TIMM9: variants seen among roughly 807,000 people sequenced by gnomAD.
TIMM9 encodes the protein translocase of inner mitochondrial membrane 9.
Under a neutral mutation model 13.4 loss-of-function variants are expected in TIMM9, and 10 were observed. The ratio of observed to expected loss-of-function variants is 0.75; its 90% CI spans 0.46 to 1.26. The LOEUF is 1.26. Ranked by LOEUF, TIMM9 falls within the 50% of genes most tolerant of loss-of-function variation. The probability of loss-of-function intolerance (pLI) is 0.00; values close to 1 mark genes in which losing one functional copy is unlikely to be tolerated. For missense variants in TIMM9, 87 were observed against 100.8 expected, an observed-to-expected ratio of 0.86 and a Z score of 0.58; for synonymous variants, 32 against 32.1, an observed-to-expected ratio of 1.00 and a Z score of 0.01.
intron 3 of TIMM9, among the ~76,000 whole-genome samples, chr14:58,413,352 T>C (rs2036282303): frequency 6.6e-6 from 1 of 152,234 alleles, no homozygotes. Context: ...ACAAAGGTTC[T>C]ATTAATAGTT....
At position 58,408,892 on chromosome 14, in the gene TIMM9, C is replaced by T. The variant is rs559220522; in HGVS notation, c.*142G>A. On this transcript the variant is annotated 3_prime_UTR_variant, in exon 6 of 6. Transcript: ENST00000395159. ...GTAAATAGCAATTTTGTTTCTCCAGCGGTTTCCATTTGCCAAACAGTCATG... is the reference window on the plus strand; with the variant it reads ...GTAAATAGCAATTTTGTTTCTCCAGTGGTTTCCATTTGCCAAACAGTCATG... The T allele has an allele frequency of 2.9e-5, 35 of 1,222,154 alleles. No homozygotes were observed. Among genetic ancestry groups the T allele is most frequent in the Non-Finnish European group, 3.7e-5 (33 of 890,124 alleles). The allele number at this position is 1,222,154 out of a possible 1,614,324, so 75.7% of individuals were successfully genotyped here.
Position 58,427,156 on chromosome 14 carries a change from C to T in TIMM9, c.-217G>A. 1 of 170,228 alleles carries T rather than the reference C, an allele frequency of 5.9e-6. No individual in the cohort carries two copies. Among genetic ancestry groups the T allele is most frequent in the Non-Finnish European group, 1.3e-5 (1 of 77,304 alleles). The allele number at this position is 170,228 out of a possible 1,614,324, so 10.5% of individuals were successfully genotyped here. ...GTCAGGGTCTGGACAGGAGCCGCGG[C>T]CGCCAGATGGGAAAGAACACGTGGG... On this transcript the variant is annotated 5_prime_UTR_variant, in exon 2 of 6. Transcript: ENST00000395159.
chr14:58,424,503 C>G (rs1436108031), intron 2 of TIMM9, among the ~76,000 whole-genome samples: 1 of 152,156 alleles, frequency 6.6e-6, no homozygotes, highest in Non-Finnish European at 1.5e-5. Context: ...TATTTAAGAC[C>G]TATAAAATGT....
At chr14:58,422,272 C>G (rs112175508) in intron 3 of TIMM9, among the ~76,000 whole-genome samples, 1 of 151,980 alleles carries the variant, frequency 6.6e-6, no homozygotes, top group Non-Finnish European at 1.5e-5. Context: ...TGCACCACCA[C>G]GCCCAGCTAA....
intron 3 of TIMM9, among the ~76,000 whole-genome samples, chr14:58,413,834 C>T (rs1344105970): frequency 6.6e-6 from 1 of 150,960 alleles, no homozygotes; most frequent in East Asian, 2.0e-4. Context: ...AGTGAAACCC[C>T]GTCTTTACTA....
intron 3 of TIMM9, among the ~76,000 whole-genome samples, chr14:58,412,620 G>C (rs1231176658): frequency 2.6e-5 from 4 of 152,174 alleles, no homozygotes; most frequent in African/African-American, 7.2e-5. Context: ...ATTAAAAAAA[G>C]CTGGGTGTGG....
chr14:58,412,490 C>G (rs1299535473), intron 3 of TIMM9, among the ~76,000 whole-genome samples: 1 of 152,264 alleles, frequency 6.6e-6, no homozygotes, highest in Non-Finnish European at 1.5e-5. Context: ...CCCTGTCTAT[C>G]AAAATCTCCA....
At chr14:58,424,670 T>G (rs1008887327) in intron 2 of TIMM9, among the ~76,000 whole-genome samples, 2 of 151,746 alleles carry the variant, frequency 1.3e-5, no homozygotes, top group African/African-American at 4.8e-5. Context: ...AAGTTCTACA[T>G]CAGCCTGGGC....
chr14:58,417,893 A>C, intron 3 of TIMM9, among the ~76,000 whole-genome samples: 1 of 152,176 alleles, frequency 6.6e-6, no homozygotes, highest in Non-Finnish European at 1.5e-5. Flanking sequence ...CAGGGTGTAC[A>C]TTACTACAGG....
In TIMM9 at chr14:58,410,891, A is replaced by G. The variant is rs1176092913; in HGVS notation, c.87T>C (p.Phe29=). The part of the protein sequence containing the change: ...GTYNKLTETC[F]LDCVKDFTTR... Reference sequence around the variant, plus strand: ...TTGTGAAGTCTTTAACACAGTCCAAAAAGCAGGTCTCTGTAAGTTTATTGT... The same window carrying G: ...TTGTGAAGTCTTTAACACAGTCCAAGAAGCAGGTCTCTGTAAGTTTATTGT... The change falls in exon 5 of 6, where the codon TTT becomes TTC. Residue 29 remains phenylalanine (F), a synonymous_variant. Transcript: ENST00000395159. The G allele has an allele frequency of 1.2e-6, 2 of 1,613,578 alleles. No homozygotes were observed. The highest frequency in any genetic ancestry group is 4.5e-5 in the East Asian group (2 of 44,862).
At chr14:58,409,947 C>T (rs565232360) in intron 5 of TIMM9, among the ~76,000 whole-genome samples, 1 of 152,020 alleles carries the variant, frequency 6.6e-6, no homozygotes, top group South Asian at 2.1e-4. Context: ...CTCACTGTGG[C>T]CTCAACCTCC....
At chr14:58,416,425 A>C (rs998416980) in intron 3 of TIMM9, among the ~76,000 whole-genome samples, 1 of 152,228 alleles carries the variant, frequency 6.6e-6, no homozygotes, top group African/African-American at 2.4e-5. Flanking sequence ...CTGTCAATGC[A>C]GAAACCTGTA....
intron 3 of TIMM9, among the ~76,000 whole-genome samples, chr14:58,417,067 G>A (rs140242715): frequency 1.5e-4 from 23 of 152,198 alleles, no homozygotes; most frequent in Admixed American, 5.9e-4. Flanking sequence ...AAGATCTGAC[G>A]GTTTTATCAA....
chr14:58,427,269 C>T (rs1429331937), intron 1 of TIMM9, 27 bp from the exon 2 acceptor site: 1 of 229,762 alleles, frequency 4.4e-6, no homozygotes, highest in African/African-American at 2.3e-5. Flanking sequence ...GTACCATCAG[C>T]GAATTCTAAA....
intron 3 of TIMM9, among the ~76,000 whole-genome samples, chr14:58,414,096 T>TGAA (rs1446915498): frequency 8.2e-6 from 1 of 121,322 alleles, no homozygotes; most frequent in Non-Finnish European, 1.7e-5. Flanking sequence ...AAGGAAAACA[T>TGAA]GAATCATGTA....
Position 58,408,709 on chromosome 14 carries a change from C to T in TIMM9, c.*325G>A, listed in dbSNP as rs1399301102. 2.3e-6 allele frequency: 2 copies of T among 884,018 alleles called. No homozygotes were observed. The highest frequency in any genetic ancestry group is 1.8e-5 in the African/African-American group (1 of 57,142). The allele number at this position is 884,018 out of a possible 1,614,324, so 54.8% of individuals were successfully genotyped here. A position where few individuals can be genotyped will look rare whatever the true frequency, so the allele number is the denominator to read the frequency against. On this transcript the variant is annotated 3_prime_UTR_variant, in exon 6 of 6. Transcript: ENST00000395159. ...AAAATTTTTCTATCTCATACATGATCGAACACATAAGTTGCTTTAAAATTA... is the reference window on the plus strand; with the variant it reads ...AAAATTTTTCTATCTCATACATGATTGAACACATAAGTTGCTTTAAAATTA...
At position 58,410,919 on chromosome 14, in the gene TIMM9, G is replaced by A. The variant is rs765938914; in HGVS notation, c.59C>T (p.Thr20Ile). Residue 20 changes from threonine (T) to isoleucine (I), a missense_variant, in exon 5 of 6, where the codon ACC becomes ATC. Coordinates refer to ENST00000395159, the MANE Select transcript of TIMM9 (RefSeq NM_012460.4). The part of the protein sequence containing the change: ...QIKQFKEFLG[T>I]YNKLTETCFL... ...GCAGGTCTCTGTAAGTTTATTGTAGGTCCCCAGAAATTCCTTAAACTACAA... is the reference window on the plus strand; with the variant it reads ...GCAGGTCTCTGTAAGTTTATTGTAGATCCCCAGAAATTCCTTAAACTACAA... 1 of 1,612,440 alleles carries A rather than the reference G, an allele frequency of 6.2e-7. No homozygotes were observed. The highest frequency in any genetic ancestry group is 2.2e-5 in the East Asian group (1 of 44,838).
intron 3 of TIMM9, among the ~76,000 whole-genome samples, chr14:58,415,100 A>G (rs2036359130): frequency 6.6e-6 from 1 of 152,204 alleles, no homozygotes; most frequent in Admixed American, 6.5e-5. Flanking sequence ...AGGAGCCAGA[A>G]TGCCTACTCC....
At chr14:58,426,357 C>T (rs938035400) in intron 2 of TIMM9, among the ~76,000 whole-genome samples, 4 of 151,734 alleles carry the variant, frequency 2.6e-5, no homozygotes, top group African/African-American at 9.7e-5. Flanking sequence ...AGGCGCGCGC[C>T]ACCATGCCCA....
Sources: gnomAD v4.1 joint callset for allele counts (sites outside exome capture counted in the v4.1 genomes callset) on GRCh38, gnomAD v4.1.1 for gene constraint, MANE v1.5 for transcripts, NCBI Gene and HGNC (gene_info 2026-07-23, HGNC 2026-07-21) for gene names.